Variants in NEK7 observed in about 807,000 individuals in gnomAD.
NEK7 encodes the protein serine/threonine-protein kinase Nek7.
Under a neutral mutation model 44.6 loss-of-function variants are expected in NEK7, and 18 were observed. The observed-to-expected ratio is 0.40, with a 90% confidence interval of 0.28 to 0.60. NEK7 has a LOEUF of 0.60. NEK7 is among the 20% of genes least tolerant of loss of function. NEK7 has a pLI of 0.38. For synonymous variants in NEK7, 130 were observed against 121.1 expected, an observed-to-expected ratio of 1.07 and a Z score of -0.48; for missense variants, 256 against 366.5, an observed-to-expected ratio of 0.70 and a Z score of 2.46.
intron 1 of NEK7, among the ~76,000 whole-genome samples, chr1:198,157,657 T>G (rs1053375732): frequency 4.6e-5 from 7 of 152,104 alleles, no homozygotes; most frequent in African/African-American, 1.4e-4. Flanking sequence ...GCGACGTCGG[T>G]TATTTATCTC....
chr1:198,204,717 CAAAAAAAA>C (rs58273857), intron 1 of NEK7, among the ~76,000 whole-genome samples: 1 of 87,890 alleles, frequency 1.1e-5, no homozygotes, highest in African/African-American at 4.0e-5. Flanking sequence ...GACTCCGTCT[CAAAAAAAA>C]AAAAAAAAAA....
intron 1 of NEK7, among the ~76,000 whole-genome samples, chr1:198,218,908 A>G (rs761290786): frequency 4.6e-5 from 7 of 152,000 alleles, no homozygotes; most frequent in African/African-American, 1.7e-4. Context: ...TCAAAAAGCC[A>G]TAGATTCTGG....
At chr1:198,290,280 G>A (rs918322772) in intron 7 of NEK7, among the ~76,000 whole-genome samples, 3 of 152,166 alleles carry the variant, frequency 2.0e-5, no homozygotes, top group Admixed American at 6.5e-5. Context: ...CTCTTTTCTT[G>A]TACAGCTGTT....
chr1:198,278,737 C>T (rs561107257), intron 6 of NEK7, among the ~76,000 whole-genome samples: 1 of 151,920 alleles, frequency 6.6e-6, no homozygotes, highest in East Asian at 1.9e-4. Context: ...TAATCATGTT[C>T]ATCATGCTAC....
chr1:198,198,036 GA>G (rs1665296096), intron 1 of NEK7: 15 of 1,507,720 alleles, frequency 9.9e-6, no homozygotes, highest in Non-Finnish European at 1.3e-5. Flanking sequence ...CACCTGGGGG[GA>G]AAGCTGGATT....
intron 1 of NEK7, among the ~76,000 whole-genome samples, chr1:198,193,435 G>A (rs1665136627): frequency 6.6e-6 from 1 of 152,116 alleles, no homozygotes; most frequent in South Asian, 2.1e-4. Flanking sequence ...TTGAAAAGGA[G>A]GGACTCTTCC....
intron 9 of NEK7, among the ~76,000 whole-genome samples, chr1:198,317,877 A>ATTTTTGT (rs537862004): frequency 0.01 from 705 of 70,244 alleles, 39 homozygotes; most frequent in East Asian, 0.027. Flanking sequence ...GGATATATTT[A>ATTTTTGT]TTTTTTTTTT....
At chr1:198,211,977 T>C (rs1165173911) in intron 1 of NEK7, among the ~76,000 whole-genome samples, 1 of 152,138 alleles carries the variant, frequency 6.6e-6, no homozygotes, top group African/African-American at 2.4e-5. Context: ...GGGAAGGCCT[T>C]AACCCTACCC....
chr1:198,314,380 G>T (rs527612155), intron 9 of NEK7, among the ~76,000 whole-genome samples: 125 of 152,252 alleles, frequency 8.2e-4, no homozygotes, highest in Non-Finnish European at 1.5e-3. Context: ...TGGTTTGAAT[G>T]TCCTCCCGTA....
chr1:198,251,869 T>A (rs1324959002), intron 2 of NEK7, among the ~76,000 whole-genome samples: 1 of 152,226 alleles, frequency 6.6e-6, no homozygotes, highest in Non-Finnish European at 1.5e-5. Context: ...TGTGTCTCTA[T>A]TTCCTTCAGT....
At chr1:198,276,291 C>A (rs1377506089) in intron 5 of NEK7, among the ~76,000 whole-genome samples, 2 of 151,564 alleles carry the variant, frequency 1.3e-5, no homozygotes, top group Non-Finnish European at 3.0e-5. Flanking sequence ...CGTATTAAAG[C>A]ATAAAAATTT....
In NEK7 at chr1:198,278,031, C is replaced by T; in HGVS notation, c.443C>T (p.Ala148Val). ...VWKYFVQLCS[A>V]LEHMHSRRVM... ...AAGTATTTTGTTCAGCTTTGCAGTGCATTGGAACACATGCATTCTCGAAGA... is the reference window on the plus strand; with the variant it reads ...AAGTATTTTGTTCAGCTTTGCAGTGTATTGGAACACATGCATTCTCGAAGA... Residue 148 changes from alanine (A) to valine (V), a missense_variant, in exon 6 of 10, where the codon GCA (alanine) becomes GTA (valine). This residue lies in a region of NEK7 where 102 missense variants were observed against 205.2 expected (regional missense o/e 0.50). Transcript: ENST00000367385. The T allele has an allele frequency of 6.3e-7, 1 of 1,595,604 alleles. No homozygotes were observed. Among genetic ancestry groups the T allele is most frequent in the Non-Finnish European group, 8.6e-7 (1 of 1,164,276 alleles).
chr1:198,294,121 G>A (rs1187642783), intron 8 of NEK7, among the ~76,000 whole-genome samples: 1 of 151,726 alleles, frequency 6.6e-6, no homozygotes, highest in Non-Finnish European at 1.5e-5. Context: ...CTTAATTTAA[G>A]GAACCTGAAA....
At chr1:198,181,499 A>G (rs1392293513) in intron 1 of NEK7, among the ~76,000 whole-genome samples, 1 of 152,102 alleles carries the variant, frequency 6.6e-6, no homozygotes, top group Non-Finnish European at 1.5e-5. Flanking sequence ...GGAATCTAAC[A>G]CCTTCACTTA....
chr1:198,205,374 G>A (rs188706036), intron 1 of NEK7, among the ~76,000 whole-genome samples: 15 of 152,216 alleles, frequency 9.9e-5, no homozygotes, highest in Admixed American at 3.9e-4. Context: ...TCTCTGTACC[G>A]TTTTATTTAT....
intron 3 of NEK7, among the ~76,000 whole-genome samples, chr1:198,261,799 G>A (rs1180538866): frequency 1.3e-5 from 2 of 151,772 alleles, no homozygotes; most frequent in Admixed American, 1.3e-4. Flanking sequence ...TTAACAGTAG[G>A]TTAATATTTT....
intron 1 of NEK7, among the ~76,000 whole-genome samples, chr1:198,231,301 GTATATATATATATATATATA>G (rs749263549): frequency 9.2e-5 from 8 of 86,956 alleles, no homozygotes; most frequent in Non-Finnish European, 1.7e-4. Context: ...ATGTGTGTGT[GTATATATATATATATATATA>G]TATATATATA....
chr1:198,194,770 G>A (rs1270395318), intron 1 of NEK7, among the ~76,000 whole-genome samples: 2 of 152,144 alleles, frequency 1.3e-5, no homozygotes, highest in African/African-American at 4.8e-5. Flanking sequence ...TAGTGCTGCA[G>A]TGAACATACA....
intron 9 of NEK7, among the ~76,000 whole-genome samples, chr1:198,316,830 A>T (rs889741062): frequency 7.2e-5 from 11 of 152,242 alleles, no homozygotes; most frequent in African/African-American, 2.7e-4. Context: ...AAGAAAGAAC[A>T]AAAGAGTCAG....
Sources: allele counts gnomAD v4.1 joint callset (sites outside exome capture counted in the v4.1 genomes callset), GRCh38; gene constraint gnomAD v4.1.1; regional missense constraint gnomAD v4.1.1; transcripts MANE v1.5; gene names NCBI Gene and HGNC (gene_info 2026-07-23, HGNC 2026-07-21).